UGT2B7: variants seen among roughly 807,000 people sequenced by gnomAD.
The protein encoded by UGT2B7 is UDP glucuronosyltransferase family 2 member B7.
In UGT2B7, 51 loss-of-function variants were observed where a neutral mutation model predicts 51.9. The ratio of observed to expected loss-of-function variants is 0.98; its 90% CI spans 0.78 to 1.24. UGT2B7 has a LOEUF of 1.24. Ranked by LOEUF, UGT2B7 falls within the 50% of genes most tolerant of loss-of-function variation. The pLI is 0.00. For synonymous variants in UGT2B7, 225 were observed against 211.6 expected, an observed-to-expected ratio of 1.06 and a Z score of -0.55; for missense variants, 727 against 628.4, an observed-to-expected ratio of 1.16 and a Z score of -1.68.
chr4:69,072,688 T>G (rs1249905626), intron 1 of UGT2B7, among the ~76,000 whole-genome samples: 1 of 151,492 alleles, frequency 6.6e-6, no homozygotes, highest in Non-Finnish European at 1.5e-5. Context: ...CTTGGGGGGG[T>G]TGTGTCTTCT....
intron 1 of UGT2B7, among the ~76,000 whole-genome samples, chr4:69,085,863 C>T (rs1486520810): frequency 2.0e-5 from 3 of 151,696 alleles, no homozygotes; most frequent in African/African-American, 7.2e-5. Context: ...TTCTGTGTAT[C>T]AGTTGTTATG....
chr4:69,088,087 T>G (rs997658086), intron 1 of UGT2B7, among the ~76,000 whole-genome samples: 2 of 152,020 alleles, frequency 1.3e-5, no homozygotes, highest in Admixed American at 1.3e-4. Flanking sequence ...CTTAATAATG[T>G]TTGATACTTT....
chr4:69,112,220 C>T lies in UGT2B7; in HGVS notation c.1311-237C>T, dbSNP rs1719792355. On this transcript the variant is annotated intron_variant, in intron 5 of 5. Transcript: ENST00000305231. ...CATTCTGATTACTGGTGCATGCAGC[C>T]CCCAGTTATGTACCCACTGCTTGCT... 2.0e-5 allele frequency among the ~76,000 whole-genome samples: 3 copies of T among 152,080 alleles called. No individual in the cohort carries two copies. The South Asian group carries it at 6.2e-4, about 31-fold the overall frequency.
chr4:69,089,202 A>G (rs1719030100), intron 1 of UGT2B7, among the ~76,000 whole-genome samples: 1 of 152,164 alleles, frequency 6.6e-6, no homozygotes, highest in African/African-American at 2.4e-5. Flanking sequence ...AGAATTAGCT[A>G]TCTACCAAAT....
At chr4:69,072,086 C>T (rs1228920250) in intron 1 of UGT2B7, among the ~76,000 whole-genome samples, 1 of 152,032 alleles carries the variant, frequency 6.6e-6, no homozygotes. Context: ...AATCTTTTCA[C>T]ATAAAGTACC....
chr4:69,072,708 C>A (rs1718626248), intron 1 of UGT2B7, among the ~76,000 whole-genome samples: 1 of 151,978 alleles, frequency 6.6e-6, no homozygotes, highest in South Asian at 2.1e-4. Context: ...TGGCATCTAC[C>A]ACCTCACAAC....
chr4:69,098,844 A>C (rs1719332893), intron 2 of UGT2B7, among the ~76,000 whole-genome samples, 156 bp downstream of exon 2: 1 of 151,982 alleles, frequency 6.6e-6, no homozygotes, highest in African/African-American at 2.4e-5. Context: ...GTGCACGTTA[A>C]TACCATCACA....
chr4:69,094,129 C>CTTTTTT (rs71204074), upstream of UGT2B7, among the ~76,000 whole-genome samples: 7 of 54,090 alleles, frequency 1.3e-4, no homozygotes, highest in South Asian at 7.1e-4. Context: ...GTTTTGGTTT[C>CTTTTTT]TTTTTTTTTT....
At chr4:69,106,381 T>A (rs987598856) in intron 3 of UGT2B7, among the ~76,000 whole-genome samples, 10 of 152,204 alleles carry the variant, frequency 6.6e-5, no homozygotes, top group African/African-American at 2.4e-4. Context: ...GTTAGTTTGC[T>A]AAGGATAATG....
chr4:69,097,328 T>C (rs1427047429), intron 1 of UGT2B7, 87 bp downstream of exon 1: 2 of 1,469,420 alleles, frequency 1.4e-6, no homozygotes, highest in African/African-American at 2.9e-5. Flanking sequence ...AAAGTCAGGG[T>C]AGTGGGGTTT....
At chr4:69,066,527 G>A (rs1307859960) in intron 1 of UGT2B7, 2 of 152,116 alleles carry the variant, frequency 1.3e-5, no homozygotes, top group African/African-American at 4.8e-5. Flanking sequence ...AACAGCATAT[G>A]AGGATGAAAA....
At chr4:69,054,767 G>A (rs748680781) in intron 1 of UGT2B7, among the ~76,000 whole-genome samples, 3 of 152,028 alleles carry the variant, frequency 2.0e-5, no homozygotes, top group Non-Finnish European at 1.5e-5. Flanking sequence ...GTCCACGCAC[G>A]GCTGAAGCAT....
intron 1 of UGT2B7, among the ~76,000 whole-genome samples, chr4:69,071,210 C>T (rs557123128): frequency 6.6e-6 from 1 of 152,196 alleles, no homozygotes; most frequent in African/African-American, 2.4e-5. Context: ...TACATGATTT[C>T]TCTCTTGAAA....
chr4:69,101,150 G>T (rs1719407237), intron 2 of UGT2B7, among the ~76,000 whole-genome samples: 1 of 151,942 alleles, frequency 6.6e-6, no homozygotes, highest in Admixed American at 6.6e-5. Context: ...AATAAAGTGA[G>T]TTAGAAAATG....
Position 69,097,000 on chromosome 4 carries a change from G to A in UGT2B7, c.480G>A (p.Leu160=). Residue 160 remains leucine, a synonymous_variant, in exon 1 of 6, where the codon CTG becomes CTA. Coordinates refer to ENST00000305231, the MANE Select transcript of UGT2B7 (RefSeq NM_001074.4). ...CTATTTTTCCCTGTAGTGAGCTGCTGGCTGAGCTATTTAACATACCCTTTG... is the reference window on the plus strand; with the variant it reads ...CTATTTTTCCCTGTAGTGAGCTGCTAGCTGAGCTATTTAACATACCCTTTG... ...ADAIFPCSEL[L]AELFNIPFVY... 1 of 1,613,778 alleles carries A rather than the reference G, an allele frequency of 6.2e-7. No homozygotes were observed. The highest frequency in any genetic ancestry group is 1.3e-5 in the African/African-American group (1 of 75,020).
intron 1 of UGT2B7, chr4:69,066,510 CT>C (rs1718486980): frequency 6.6e-6 from 1 of 152,050 alleles, no homozygotes; most frequent in Admixed American, 6.6e-5. Context: ...ATATTGAAAA[CT>C]TTGGTAACAG....
At chr4:69,089,075 C>A (rs1330134885) in intron 1 of UGT2B7, among the ~76,000 whole-genome samples, 3 of 152,000 alleles carry the variant, frequency 2.0e-5, no homozygotes, top group African/African-American at 7.2e-5. Flanking sequence ...TTTGTATTTA[C>A]ATAGTTACTA....
At chr4:69,082,396 T>TAAA (rs113112022) in intron 1 of UGT2B7, among the ~76,000 whole-genome samples, 9 of 149,012 alleles carry the variant, frequency 6.0e-5, no homozygotes, top group African/African-American at 2.2e-4. Flanking sequence ...AGTTGTGAAT[T>TAAA]AAAAAAAAAA....
chr4:69,077,325 T>C (rs1270997750), intron 1 of UGT2B7, among the ~76,000 whole-genome samples: 1 of 152,072 alleles, frequency 6.6e-6, no homozygotes, highest in Admixed American at 6.6e-5. Flanking sequence ...GGGAAGAAAG[T>C]CAATGATAGC....
Sources: gnomAD v4.1 joint callset for allele counts (sites outside exome capture counted in the v4.1 genomes callset) on GRCh38, gnomAD v4.1.1 for gene constraint, MANE v1.5 for transcripts, NCBI Gene and HGNC (gene_info 2026-07-23, HGNC 2026-07-21) for gene names.